Variants in PDE1A observed in about 807,000 individuals in gnomAD.
PDE1A encodes the protein phosphodiesterase 1A, also known as dual specificity calcium/calmodulin-dependent 3',5'-cyclic nucleotide phosphodiesterase 1A.
In PDE1A, 35 loss-of-function variants were observed where a neutral mutation model predicts 61.7. That is an observed-to-expected ratio of 0.57 (90% CI 0.43 to 0.75). The LOEUF (loss-of-function observed/expected upper bound fraction) is 0.75, where lower values mean the gene tolerates loss of function less well. Ranked by LOEUF, PDE1A falls within the 30% of genes least tolerant of loss-of-function variation. The pLI, the probability that PDE1A is intolerant of heterozygous loss-of-function variation, is 0.00. For synonymous variants in PDE1A, 232 were observed against 213.2 expected, an observed-to-expected ratio of 1.09 and a Z score of -0.77; for missense variants, 597 against 630.6, an observed-to-expected ratio of 0.95 and a Z score of 0.57.
intron 13 of PDE1A, chr2:182,168,406 T>A: frequency 2.2e-6 from 2 of 914,268 alleles, no homozygotes; most frequent in Non-Finnish European, 3.2e-6. Flanking sequence ...ATTACTGTCG[T>A]AAAATTATGA....
intron 1 of PDE1A, among the ~76,000 whole-genome samples, chr2:182,392,255 T>C (rs993213406): frequency 1.3e-5 from 2 of 152,176 alleles, no homozygotes; most frequent in African/African-American, 4.8e-5. Flanking sequence ...AAGGCACCTC[T>C]TACATGGTGC....
intron 1 of PDE1A, among the ~76,000 whole-genome samples, chr2:182,394,782 T>C (rs190535824): frequency 6.6e-5 from 10 of 152,300 alleles, no homozygotes; most frequent in Non-Finnish European, 1.3e-4. Flanking sequence ...AATCCCCACA[T>C]TGGCTCCCTG....
chr2:182,481,228 T>C (rs1169583346), intron 2 of PDE1A, among the ~76,000 whole-genome samples: 1 of 151,880 alleles, frequency 6.6e-6, no homozygotes, highest in African/African-American at 2.4e-5. Context: ...TGTAATAACA[T>C]AACTAGGGAC....
Position 182,332,317 on chromosome 2 carries a change from G to T in PDE1A, c.54-67903C>A, listed in dbSNP as rs71427839. Among the ~76,000 whole-genome samples, 1,045 of 152,220 alleles carry T rather than the reference G, an allele frequency of 6.9e-3. 4 individuals carry two copies. Among genetic ancestry groups the T allele is most frequent in the Non-Finnish European group, 0.012 (810 of 68,000 alleles). On this transcript the variant is annotated intron_variant, in intron 1 of 13. Coordinates refer to ENST00000351439, the Ensembl canonical transcript of PDE1A. ...GAACATGCTCCTTTAGCTCGGAGGA[G>T]TTTGTTATTACCCTCTTTCTGAAGC... is the stretch of plus-strand genomic sequence containing the variant.
At chr2:182,281,041 T>C (rs937337501) in intron 1 of PDE1A, among the ~76,000 whole-genome samples, 7 of 151,918 alleles carry the variant, frequency 4.6e-5, no homozygotes, top group Non-Finnish European at 4.4e-5. Context: ...CTTTGTTTTT[T>C]CTGGGGCAGA....
At chr2:182,240,249 C>G (rs771208488) in exon 3 of PDE1A, 2 of 1,612,492 alleles carry the variant, frequency 1.2e-6, no homozygotes, top group African/African-American at 1.3e-5. Flanking sequence ...GGGACTGAGT[C>G]AGTCTGAATG....
At chr2:182,397,478 A>T (rs1429401439) in intron 1 of PDE1A, among the ~76,000 whole-genome samples, 1 of 152,158 alleles carries the variant, frequency 6.6e-6, no homozygotes, top group Admixed American at 6.5e-5. Context: ...GTATTTTTCA[A>T]TTAACGCTTT....
chr2:182,593,633 GAT>G, the PDE1A span, among the ~76,000 whole-genome samples: 6 of 152,150 alleles, frequency 3.9e-5, no homozygotes, highest in African/African-American at 1.4e-4. Flanking sequence ...ATACTAAAAA[GAT>G]ATATAATTAT....
chr2:182,607,052 A>G, the PDE1A span, among the ~76,000 whole-genome samples: 660 of 150,886 alleles, frequency 4.4e-3, 6 homozygotes, highest in African/African-American at 0.015. Context: ...ACGTGGGGGG[A>G]AAAAAAAAGA....
chr2:182,203,263 T>C (rs900892124), intron 8 of PDE1A, among the ~76,000 whole-genome samples: 5 of 151,994 alleles, frequency 3.3e-5, no homozygotes, highest in African/African-American at 1.2e-4. Flanking sequence ...GAGCTTGCAG[T>C]GAGCCGAGAT....
chr2:182,604,902 C>T, the PDE1A span, among the ~76,000 whole-genome samples: 3 of 151,882 alleles, frequency 2.0e-5, no homozygotes, highest in Non-Finnish European at 2.9e-5. Context: ...AGAGTTTTTT[C>T]CACTCTAATG....
intron 1 of PDE1A, among the ~76,000 whole-genome samples, chr2:182,368,802 T>A (rs1699976037): frequency 1.3e-5 from 2 of 152,162 alleles, no homozygotes; most frequent in Admixed American, 1.3e-4. Flanking sequence ...ATAATAAAAC[T>A]CTCCTTACAG....
At chr2:182,633,806 G>C in the PDE1A span, among the ~76,000 whole-genome samples, 1 of 152,128 alleles carries the variant, frequency 6.6e-6, no homozygotes, top group African/African-American at 2.4e-5. Context: ...TAACCAGGCT[G>C]GATGCAGTGG....
chr2:182,630,746 A>G, the PDE1A span, among the ~76,000 whole-genome samples: 258 of 152,216 alleles, frequency 1.7e-3, no homozygotes, highest in African/African-American at 5.9e-3. Flanking sequence ...ATGTTCTTCA[A>G]TACAAATCTA....
chr2:182,287,675 GA>G (rs1446569039), intron 1 of PDE1A, among the ~76,000 whole-genome samples: 1 of 152,118 alleles, frequency 6.6e-6, no homozygotes, highest in Non-Finnish European at 1.5e-5. Flanking sequence ...CATTACAAAA[GA>G]TACCTGTGGT....
the PDE1A span, among the ~76,000 whole-genome samples, chr2:182,680,984 G>A: frequency 2.6e-5 from 4 of 152,218 alleles, no homozygotes; most frequent in East Asian, 7.7e-4. Flanking sequence ...GGTTGCTGCC[G>A]TGGAAAAGGG....
chr2:182,705,560 G>T, the PDE1A span, among the ~76,000 whole-genome samples: 4 of 152,020 alleles, frequency 2.6e-5, 1 homozygote, highest in South Asian at 4.2e-4. Flanking sequence ...GGCTGGAGTG[G>T]AGTGCAGTTG....
chr2:182,288,689 T>C (rs1229929989), intron 1 of PDE1A, among the ~76,000 whole-genome samples: 1 of 152,008 alleles, frequency 6.6e-6, no homozygotes, highest in African/African-American at 2.4e-5. Flanking sequence ...CAATGTAGCA[T>C]CCATGTCAGA....
chr2:182,463,188 G>C (rs1340940488), intron 2 of PDE1A, among the ~76,000 whole-genome samples: 2 of 151,958 alleles, frequency 1.3e-5, no homozygotes, highest in Admixed American at 6.6e-5. Flanking sequence ...GCAGTGAGCT[G>C]AGAGTGCGCC....
Sources: gnomAD v4.1 joint callset for allele counts (sites outside exome capture counted in the v4.1 genomes callset) on GRCh38, gnomAD v4.1.1 for gene constraint, MANE v1.5 for transcripts, NCBI Gene and HGNC (gene_info 2026-07-23, HGNC 2026-07-21) for gene names.